JAM2: variants seen among roughly 807,000 people sequenced by gnomAD.
The protein encoded by JAM2 is junctional adhesion molecule 2.
A neutral mutation model predicts 42.0 loss-of-function variants in JAM2; 17 were observed. The observed-to-expected ratio is 0.40, with a 90% confidence interval of 0.28 to 0.61. The LOEUF (loss-of-function observed/expected upper bound fraction) is 0.61. Among genes scored for constraint, JAM2 ranks in the 20% least tolerant of loss-of-function variants. The pLI, the probability that JAM2 is intolerant of heterozygous loss-of-function variation, is 0.37. For missense variants in JAM2, 319 were observed against 358.3 expected, an observed-to-expected ratio of 0.89 and a Z score of 0.89; for synonymous variants, 118 against 128.6, an observed-to-expected ratio of 0.92 and a Z score of 0.56.
chr21:25,688,455 C>G (rs556545356), intron 2 of JAM2, among the ~76,000 whole-genome samples: 15 of 152,352 alleles, frequency 9.8e-5, no homozygotes, highest in African/African-American at 3.6e-4. Flanking sequence ...GGAAACCTAT[C>G]TACAACTCAA....
intron 4 of JAM2, 55 bp downstream of exon 4, chr21:25,693,963 C>A (rs938097224): frequency 5.4e-5 from 84 of 1,565,500 alleles, no homozygotes; most frequent in Non-Finnish European, 6.7e-5. Flanking sequence ...CACCACCCAG[C>A]CCTGGGGGCA....
chr21:25,683,267 T>C (rs2033678424), intron 1 of JAM2, among the ~76,000 whole-genome samples: 1 of 152,194 alleles, frequency 6.6e-6, no homozygotes, highest in Admixed American at 6.5e-5. Context: ...TAGATCACAG[T>C]AGTGGTAGCC....
intron 1 of JAM2, among the ~76,000 whole-genome samples, chr21:25,676,442 C>G (rs10211927): frequency 0.015 from 2,260 of 151,774 alleles, 29 homozygotes; most frequent in Non-Finnish European, 0.025. Flanking sequence ...TATTCTTAGT[C>G]AAACCAGACT....
At chr21:25,672,395 C>T (rs961724430) in intron 1 of JAM2, among the ~76,000 whole-genome samples, 1 of 152,176 alleles carries the variant, frequency 6.6e-6, no homozygotes, top group Non-Finnish European at 1.5e-5. Flanking sequence ...AACCAGAGTT[C>T]AAATCCAGGT....
intron 1 of JAM2, among the ~76,000 whole-genome samples, chr21:25,654,259 G>T (rs1486322207): frequency 6.6e-6 from 1 of 152,124 alleles, no homozygotes; most frequent in Non-Finnish European, 1.5e-5. Context: ...ATTATTAATG[G>T]CTAAAATCAT....
chr21:25,694,978 CTTT>C (rs369880449), intron 4 of JAM2, among the ~76,000 whole-genome samples: 1 of 141,736 alleles, frequency 7.1e-6, no homozygotes. Flanking sequence ...CTTTTTCTTT[CTTT>C]TTTTTTTTTT....
chr21:25,669,409 A>T (rs967868169), intron 1 of JAM2, among the ~76,000 whole-genome samples: 1 of 151,882 alleles, frequency 6.6e-6, no homozygotes, highest in Non-Finnish European at 1.5e-5. Flanking sequence ...AAAAAAAAGA[A>T]GATGGGGGAA....
chr21:25,689,982 C>A lies in JAM2; in HGVS notation c.241+9C>A. ...TCAACAGACTCTTCAAGGTAAGCAG[C>A]TGTAGGCTTGAAGAGGTGTGAGCAA... is the stretch of plus-strand genomic sequence containing the variant. On this transcript the variant is annotated intron_variant, in intron 3 of 9. Coordinates refer to ENST00000480456, the MANE Select transcript of JAM2 (RefSeq NM_021219.4). 1.3e-6 allele frequency: 2 copies of A among 1,556,820 alleles called. No homozygotes were observed. Among genetic ancestry groups the A allele is most frequent in the Non-Finnish European group, 1.8e-6 (2 of 1,128,870 alleles).
intron 1 of JAM2, 27 bp from the exon 2 acceptor site, chr21:25,683,856 A>T: frequency 6.6e-7 from 1 of 1,514,882 alleles, no homozygotes; most frequent in Non-Finnish European, 9.1e-7. Flanking sequence ...TATAATTTTA[A>T]TTATCCTATC....
chr21:25,670,801 C>T (rs1252484822), intron 1 of JAM2, among the ~76,000 whole-genome samples: 1 of 152,216 alleles, frequency 6.6e-6, no homozygotes, highest in African/African-American at 2.4e-5. Context: ...TCTTGCCTGA[C>T]AATTGTGAAT....
At chr21:25,694,835 CAAA>C (rs778496287) in intron 4 of JAM2, among the ~76,000 whole-genome samples, 9 of 129,976 alleles carry the variant, frequency 6.9e-5, no homozygotes, top group Non-Finnish European at 1.5e-4. Context: ...AGGACTTTCT[CAAA>C]AAAAAAAAAA....
intron 8 of JAM2, among the ~76,000 whole-genome samples, chr21:25,710,720 G>A (rs1001768289): frequency 6.6e-6 from 1 of 152,214 alleles, no homozygotes; most frequent in South Asian, 2.1e-4. Flanking sequence ...AGCGGTGGGG[G>A]CAGATTGTAA....
intron 1 of JAM2, among the ~76,000 whole-genome samples, chr21:25,658,884 A>T (rs894361378): frequency 3.3e-5 from 5 of 152,176 alleles, no homozygotes; most frequent in Admixed American, 3.3e-4. Flanking sequence ...GACTTATTCC[A>T]AGGCAGGACT....
chr21:25,699,216 C>T (rs1270747106), intron 5 of JAM2, among the ~76,000 whole-genome samples: 1 of 152,140 alleles, frequency 6.6e-6, no homozygotes, highest in Non-Finnish European at 1.5e-5. Context: ...ATAAATGATA[C>T]CAATTAAGAT....
At chr21:25,705,639 T>C (rs947332549) in intron 6 of JAM2, among the ~76,000 whole-genome samples, 1 of 152,246 alleles carries the variant, frequency 6.6e-6, no homozygotes, top group East Asian at 1.9e-4. Context: ...GGAGTGGCAG[T>C]AGAATACTTG....
At chr21:25,698,482 G>A (rs889475329) in intron 4 of JAM2, among the ~76,000 whole-genome samples, 195 bp from the exon 5 acceptor site, 1 of 152,166 alleles carries the variant, frequency 6.6e-6, no homozygotes, top group African/African-American at 2.4e-5. Context: ...AAACATGGTC[G>A]ACTGTGTGCC....
At chr21:25,693,152 T>A (rs758157289) in intron 3 of JAM2, among the ~76,000 whole-genome samples, 4 of 152,186 alleles carry the variant, frequency 2.6e-5, no homozygotes, top group Non-Finnish European at 5.9e-5. Context: ...GTGAGAAGTA[T>A]AAGGTTGAAC....
At chr21:25,653,722 G>A (rs1157250067) in intron 1 of JAM2, among the ~76,000 whole-genome samples, 1 of 152,100 alleles carries the variant, frequency 6.6e-6, no homozygotes, top group East Asian at 1.9e-4. Flanking sequence ...GGGGATGATG[G>A]GGATTATGGG....
chr21:25,660,782 A>ATATATATATATGTTTTT (rs1555861055), intron 1 of JAM2, among the ~76,000 whole-genome samples: 1 of 41,326 alleles, frequency 2.4e-5, no homozygotes, highest in Admixed American at 3.3e-4. Flanking sequence ...ATATATATAT[A>ATATATATATATGTTTTT]TTTTTTTTTT....
Sources: gnomAD v4.1 joint callset for allele counts (sites outside exome capture counted in the v4.1 genomes callset) on GRCh38, gnomAD v4.1.1 for gene constraint, MANE v1.5 for transcripts, NCBI Gene and HGNC (gene_info 2026-07-23, HGNC 2026-07-21) for gene names.